LRP1B: variants seen among roughly 807,000 people sequenced by gnomAD.
The protein encoded by LRP1B is LDL receptor related protein 1B, also known as low-density lipoprotein receptor-related protein 1B.
LRP1B carries 217 observed loss-of-function variants against 556.6 expected under a neutral mutation model. The ratio of observed to expected loss-of-function variants is 0.39; its 90% CI spans 0.35 to 0.44. The LOEUF is 0.44. LRP1B is among the 20% of genes least tolerant of loss of function. The pLI is 1.00. For missense variants in LRP1B, 5,053 were observed against 5,620.8 expected, an observed-to-expected ratio of 0.90 and a Z score of 3.23; for synonymous variants, 2,047 against 1,865.8, an observed-to-expected ratio of 1.10 and a Z score of -2.50.
At chr2:141,716,977 G>A (rs1692623546) in intron 2 of LRP1B, among the ~76,000 whole-genome samples, 1 of 142,836 alleles carries the variant, frequency 7.0e-6, no homozygotes. Context: ...ACAGGGGGGG[G>A]TCGCAATTCA....
chr2:141,653,722 C>G (rs1217321593), intron 2 of LRP1B, among the ~76,000 whole-genome samples: 1 of 152,058 alleles, frequency 6.6e-6, no homozygotes, highest in Non-Finnish European at 1.5e-5. Context: ...ATGGCGGTGC[C>G]TAAGCAACCT....
At chr2:141,171,321 A>G (rs1375472107) in intron 7 of LRP1B, among the ~76,000 whole-genome samples, 1 of 152,064 alleles carries the variant, frequency 6.6e-6, no homozygotes. Context: ...AAAAATTCTC[A>G]GTACTCCACC....
intron 1 of LRP1B, among the ~76,000 whole-genome samples, chr2:141,879,196 TATC>T (rs1315644876): frequency 6.6e-6 from 1 of 151,860 alleles, no homozygotes; most frequent in Non-Finnish European, 1.5e-5. Context: ...GAGATGTAGG[TATC>T]ATATTGTAAA....
At position 140,501,706 on chromosome 2, in the gene LRP1B, T is replaced by A. The variant is rs1574010631; in HGVS notation, c.8831A>T (p.Asp2944Val). 1.9e-6 allele frequency: 3 copies of A among 1,610,934 alleles called. No homozygotes were observed. Among genetic ancestry groups the A allele is most frequent in the Non-Finnish European group, 2.5e-6 (3 of 1,178,194 alleles). ...ACCTACCTTATAACTGACCGGAAGG[T>A]CTTGACAGTCTTGAGAACATCCACT... ...KVSGCSQDCQDLPVSYKCKCW... is the reference protein window; with the variant it reads ...KVSGCSQDCQVLPVSYKCKCW... Residue 2944 changes from aspartate (D) to valine (V), a missense_variant, in exon 55 of 91, where the codon GAC becomes GTC. Around this residue, in one of 5 missense-constraint regions of LRP1B, gnomAD observed 3,619 missense variants for 3,931.9 expected, o/e 0.92. Transcript: ENST00000389484.
intron 83 of LRP1B, among the ~76,000 whole-genome samples, chr2:140,301,156 T>C (rs1683801853): frequency 6.6e-6 from 1 of 152,008 alleles, no homozygotes; most frequent in Non-Finnish European, 1.5e-5. Context: ...GAGTCTTTCT[T>C]CCCCCTTTAG....
chr2:140,583,965 G>A lies in LRP1B; in HGVS notation c.7194+14666C>T, dbSNP rs1400047628. Among the ~76,000 whole-genome samples the A allele has an allele frequency of 3.3e-5, 5 of 152,162 alleles. No homozygotes were observed. In the East Asian group the frequency reaches 7.7e-4, roughly 24 times the overall value. On this transcript the variant is annotated intron_variant, in intron 43 of 90. Coordinates refer to ENST00000389484, the MANE Select transcript of LRP1B (RefSeq NM_018557.3). ...AAGTTCAGAAAAAGCACATGCTTGA[G>A]TTATTTAGCTGTAGTCATACAATAC...
At chr2:140,922,293 C>A (rs1346246086) in intron 21 of LRP1B, among the ~76,000 whole-genome samples, 1 of 149,872 alleles carries the variant, frequency 6.7e-6, no homozygotes, top group Non-Finnish European at 1.5e-5. Flanking sequence ...CACACACACA[C>A]ACACGCACAC....
At chr2:141,282,221 A>G (rs553074968) in intron 3 of LRP1B, among the ~76,000 whole-genome samples, 3 of 152,160 alleles carry the variant, frequency 2.0e-5, no homozygotes, top group South Asian at 2.1e-4. Flanking sequence ...AGCACGTAAT[A>G]TAATTCTTGG....
Position 141,049,035 on chromosome 2 carries a change from A to G in LRP1B, c.1740T>C (p.Ile580=). The change falls in exon 11 of 91, where the codon ATT becomes ATC. Residue 580 remains isoleucine, a synonymous_variant. Transcript: ENST00000389484. ...CTGTGCCATCTATCTTCTGCCGGCC[A>G]ATTAGGAAACTGGTGGTGTCAGCAA... ...IYFADTTSFL[I]GRQKIDGTER... The G allele has an allele frequency of 6.2e-7, 1 of 1,613,484 alleles. No homozygotes were observed. Among genetic ancestry groups the G allele is most frequent in the Non-Finnish European group, 8.5e-7 (1 of 1,179,644 alleles).
At chr2:141,730,498 T>C (rs1162203996) in intron 2 of LRP1B, among the ~76,000 whole-genome samples, 2 of 152,200 alleles carry the variant, frequency 1.3e-5, no homozygotes, top group Non-Finnish European at 2.9e-5. Flanking sequence ...ACGTGCTTAC[T>C]TGTCTACATT....
chr2:140,915,322 C>T (rs762108548), intron 21 of LRP1B, among the ~76,000 whole-genome samples: 25 of 151,942 alleles, frequency 1.6e-4, no homozygotes, highest in Non-Finnish European at 2.6e-4. Context: ...AGTGACTAAG[C>T]TCCCACAAGG....
rs1355665171 is a variant in LRP1B, at chr2:140,840,100, C to A, written c.5115-15G>T. On this transcript the variant is annotated splice_polypyrimidine_tract_variant and intron_variant, in intron 30 of 90. Transcript: ENST00000389484. Reference sequence around the variant, plus strand: ...AGTAGAGTTTTCTTAATTCAAAAGACATATGGATTGAAAATATTAGATGTA... The same window carrying A: ...AGTAGAGTTTTCTTAATTCAAAAGAAATATGGATTGAAAATATTAGATGTA... 6.7e-7 allele frequency: 1 copy of A among 1,491,720 alleles called. No homozygotes were observed. The highest frequency in any genetic ancestry group is 9.2e-7 in the Non-Finnish European group (1 of 1,084,122). 92.4% of individuals were successfully genotyped at this position (1,491,720 alleles called of 1,614,324 possible).
intron 18 of LRP1B, among the ~76,000 whole-genome samples, chr2:140,974,401 A>G (rs1696528249): frequency 6.6e-6 from 1 of 152,230 alleles, no homozygotes; most frequent in African/African-American, 2.4e-5. Context: ...CTATGAGTGA[A>G]TGGGACTGAT....
At chr2:141,361,735 G>GAAGT (rs1470477566) in intron 3 of LRP1B, among the ~76,000 whole-genome samples, 1 of 152,162 alleles carries the variant, frequency 6.6e-6, no homozygotes, top group Admixed American at 6.5e-5. Context: ...TAAATAATGT[G>GAAGT]AAGTTATCTG....
chr2:140,713,436 T>C (rs1687105780), intron 37 of LRP1B, among the ~76,000 whole-genome samples: 1 of 152,040 alleles, frequency 6.6e-6, no homozygotes, highest in Non-Finnish European at 1.5e-5. Context: ...AGAACCCTTT[T>C]GTCTAATCCA....
chr2:140,764,750 T>A (rs1689043217), intron 35 of LRP1B, among the ~76,000 whole-genome samples: 1 of 152,138 alleles, frequency 6.6e-6, no homozygotes, highest in Admixed American at 6.6e-5. Context: ...ACCAGAGCGA[T>A]ACATTTGTCA....
intron 25 of LRP1B, among the ~76,000 whole-genome samples, chr2:140,873,126 T>A (rs1287571781): frequency 6.6e-6 from 1 of 152,082 alleles, no homozygotes; most frequent in East Asian, 1.9e-4. Flanking sequence ...ACTTTAGAAA[T>A]GTGTTAAGAA....
intron 1 of LRP1B, among the ~76,000 whole-genome samples, chr2:142,073,677 C>T (rs1351188503): frequency 6.6e-6 from 1 of 152,010 alleles, no homozygotes; most frequent in African/African-American, 2.4e-5. Flanking sequence ...TGTCCCCACC[C>T]AAATCTCATG....
At chr2:140,729,453 A>C (rs1400203397) in intron 35 of LRP1B, among the ~76,000 whole-genome samples, 1 of 152,184 alleles carries the variant, frequency 6.6e-6, no homozygotes, top group African/African-American at 2.4e-5. Flanking sequence ...TTATTTCCCA[A>C]CATGACTTTA....
Sources: allele counts gnomAD v4.1 joint callset (sites outside exome capture counted in the v4.1 genomes callset), GRCh38; gene constraint gnomAD v4.1.1; regional missense constraint gnomAD v4.1.1; transcripts MANE v1.5; gene names NCBI Gene and HGNC (gene_info 2026-07-23, HGNC 2026-07-21).